The following GBF1 variants were observed in gnomAD, a reference collection of about 807,000 sequenced individuals.
The protein encoded by GBF1 is golgi brefeldin A resistant guanine nucleotide exchange factor 1.
In GBF1, 114 loss-of-function variants were observed where a neutral mutation model predicts 210.5. That is an observed-to-expected ratio of 0.54 (90% CI 0.47 to 0.63). GBF1 has a LOEUF of 0.63. GBF1 is among the 30% of genes least tolerant of loss of function. The pLI is 0.00. For synonymous variants in GBF1, 850 were observed against 889.2 expected, an observed-to-expected ratio of 0.96 and a Z score of 0.78; for missense variants, 1,851 against 2,357.7, an observed-to-expected ratio of 0.79 and a Z score of 4.45.
intron 3 of GBF1, among the ~76,000 whole-genome samples, chr10:102,297,785 A>G (rs905788103): frequency 2.0e-5 from 3 of 152,166 alleles, no homozygotes; most frequent in Non-Finnish European, 4.4e-5. Flanking sequence ...AATTTTATAA[A>G]CCAATCACTC....
chr10:102,244,306 A>AT (rs962132109), upstream of GBF1, among the ~76,000 whole-genome samples: 8 of 151,494 alleles, frequency 5.3e-5, no homozygotes, highest in South Asian at 2.1e-4. Flanking sequence ...AGAATTAGGT[A>AT]TTTTTTTTTC....
At chr10:102,313,816 CCT>C (rs2078694520) in intron 3 of GBF1, among the ~76,000 whole-genome samples, 2 of 152,144 alleles carry the variant, frequency 1.3e-5, no homozygotes, top group South Asian at 2.1e-4. Flanking sequence ...CAAATAAATA[CCT>C]CTGTGTATCT....
At chr10:102,291,701 C>T (rs1001776138) in intron 3 of GBF1, among the ~76,000 whole-genome samples, 3 of 152,104 alleles carry the variant, frequency 2.0e-5, no homozygotes, top group Non-Finnish European at 2.9e-5. Context: ...TTCTGAACAG[C>T]GAAAGGCCTT....
intron 3 of GBF1, among the ~76,000 whole-genome samples, chr10:102,303,458 G>C (rs183211462): frequency 6.6e-6 from 1 of 152,174 alleles, no homozygotes; most frequent in Non-Finnish European, 1.5e-5. Flanking sequence ...GCTAATGTCT[G>C]TACCTATTTC....
At chr10:102,270,764 C>T (rs1431933477) in intron 3 of GBF1, among the ~76,000 whole-genome samples, 4 of 152,128 alleles carry the variant, frequency 2.6e-5, no homozygotes, top group African/African-American at 7.2e-5. Context: ...AAACATTTTC[C>T]GTTTGTCCCC....
At chr10:102,369,006 G>C (rs1340350491) in intron 23 of GBF1, among the ~76,000 whole-genome samples, 174 bp downstream of exon 23, 2 of 152,164 alleles carry the variant, frequency 1.3e-5, no homozygotes, top group Non-Finnish European at 2.9e-5. Flanking sequence ...GATAAAACTA[G>C]TGTTACTTCA....
At chr10:102,378,991 T>C (rs2060676477) in intron 33 of GBF1, among the ~76,000 whole-genome samples, 1 of 152,114 alleles carries the variant, frequency 6.6e-6, no homozygotes, top group South Asian at 2.1e-4. Context: ...AGGTGTGAAA[T>C]AGAATTGAAA....
Position 102,361,925 on chromosome 10 carries a change from A to G in GBF1, c.1686+13A>G, listed in dbSNP as rs372304554. ...GCTGCTGTCCAAGGTGCTGAGCACT[A>G]TAACTGGCTTCTAGGAAAAAACGCA... On this transcript the variant is annotated intron_variant, in intron 14 of 39. Coordinates refer to ENST00000369983, the MANE Select transcript of GBF1 (RefSeq NM_001377137.1). 3.9e-6 allele frequency: 6 copies of G among 1,536,768 alleles called. No homozygotes were observed. The African/African-American group carries it at 4.2e-5, about 11-fold the overall frequency.
At chr10:102,335,280 C>T (rs2057649222) in intron 3 of GBF1, among the ~76,000 whole-genome samples, 1 of 152,184 alleles carries the variant, frequency 6.6e-6, no homozygotes, top group Non-Finnish European at 1.5e-5. Flanking sequence ...CAGTCACCTT[C>T]AGAGCACCTC....
chr10:102,247,262 C>T (rs777663401), intron 1 of GBF1, among the ~76,000 whole-genome samples: 1 of 152,096 alleles, frequency 6.6e-6, no homozygotes, highest in Non-Finnish European at 1.5e-5. Flanking sequence ...TTCCTACCTT[C>T]GTCCTTATGA....
intron 3 of GBF1, among the ~76,000 whole-genome samples, chr10:102,305,424 C>A (rs1210631126): frequency 6.6e-6 from 1 of 151,872 alleles, no homozygotes; most frequent in Non-Finnish European, 1.5e-5. Context: ...ACTAGCCTGG[C>A]CAACCTAGTG....
intron 3 of GBF1, among the ~76,000 whole-genome samples, chr10:102,311,320 G>C (rs1391651288): frequency 1.3e-5 from 2 of 152,214 alleles, no homozygotes; most frequent in Non-Finnish European, 2.9e-5. Flanking sequence ...GGCTAACGCG[G>C]CTGTGAAGAA....
chr10:102,263,886 C>T (rs763570805), intron 3 of GBF1, among the ~76,000 whole-genome samples: 3 of 152,142 alleles, frequency 2.0e-5, no homozygotes, highest in Non-Finnish European at 4.4e-5. Context: ...CTTTAGCTTA[C>T]CACCAGTGAG....
intron 3 of GBF1, among the ~76,000 whole-genome samples, chr10:102,293,762 A>ATATTTTTT (rs1565071251): frequency 2.2e-5 from 1 of 44,572 alleles, no homozygotes; most frequent in African/African-American, 8.6e-5. Flanking sequence ...CAGCTGTAGT[A>ATATTTTTT]TGTTTTGTGT....
In GBF1 at chr10:102,376,309, G is replaced by A. The variant is rs763544990; in HGVS notation, c.3924G>A (p.Gln1308=). The change falls in exon 31 of 40, where the codon CAG becomes CAA. Residue 1308 remains glutamine, a synonymous_variant. Transcript: ENST00000369983. ...ATAGTGAGCTCCCATCCTACCATCA[G>A]AATGACGTGAGCCTGGATCGAGGGT... is the stretch of plus-strand genomic sequence containing the variant. ...QSDSELPSYH[Q]NDVSLDRGYT... 1.4e-5 allele frequency: 23 copies of A among 1,613,950 alleles called. No individual in the cohort carries two copies. Among genetic ancestry groups the A allele is most frequent in the South Asian group, 9.9e-5 (9 of 91,080 alleles).
intron 1 of GBF1, 126 bp from the exon 2 acceptor site, chr10:102,258,802 AG>A: frequency 1.7e-6 from 1 of 584,146 alleles, no homozygotes; most frequent in Non-Finnish European, 3.1e-6. Context: ...AAAGAAAGAA[AG>A]AAAGAAAATC....
Position 102,369,244 on chromosome 10 carries a change from A to G in GBF1, c.3007A>G (p.Asn1003Asp). Residue 1003 changes from asparagine to aspartate, a missense_variant, in exon 24 of 40, where the codon AAC becomes GAC. Physicochemically the swap from Asn to Asp is conservative, Grantham distance 23. Transcript: ENST00000369983. The stretch of plus-strand genomic sequence containing the variant: ...GAACCTGCCCAGTGTATTTGGAAGC[A>G]ACCCTAAAGCCCATATTGCAGCCAA... Reference protein sequence around the residue: ...IENLPSVFGSNPKAHIAAKTV... With the variant: ...IENLPSVFGSDPKAHIAAKTV... 1 of 1,613,916 alleles carries G rather than the reference A, an allele frequency of 6.2e-7. No homozygotes were observed. Among genetic ancestry groups the G allele is most frequent in the Non-Finnish European group, 8.5e-7 (1 of 1,179,758 alleles).
rs150345569 is a variant in GBF1, at chr10:102,317,348, G to A, written c.164-26703G>A. 4.7e-3 allele frequency among the ~76,000 whole-genome samples: 720 copies of A among 152,346 alleles called. 5 individuals carry two copies. Among genetic ancestry groups the A allele is most frequent in the Non-Finnish European group, 7.7e-3 (527 of 68,040 alleles). On this transcript the variant is annotated intron_variant, in intron 3 of 39. Coordinates refer to ENST00000369983, the MANE Select transcript of GBF1 (RefSeq NM_001377137.1). ...AAAAAGTTTAAAGATGCTGGGCATG[G>A]TGGCTCATGCCTGTAATCCCAGCAG...
At chr10:102,261,297 T>C (rs2073185334) in intron 3 of GBF1, among the ~76,000 whole-genome samples, 1 of 151,946 alleles carries the variant, frequency 6.6e-6, no homozygotes, top group Non-Finnish European at 1.5e-5. Flanking sequence ...CACACACATA[T>C]ACACTGGCAG....
Sources: gnomAD v4.1 joint callset for allele counts (sites outside exome capture counted in the v4.1 genomes callset) on GRCh38, gnomAD v4.1.1 for gene constraint, MANE v1.5 for transcripts, NCBI Gene and HGNC (gene_info 2026-07-23, HGNC 2026-07-21) for gene names.